Variants in CERT1 observed in about 807,000 individuals in gnomAD.
The protein encoded by CERT1 is ceramide transporter 1.
In CERT1, 31 loss-of-function variants were observed where a neutral mutation model predicts 87.9. The observed-to-expected ratio is 0.35, with a 90% confidence interval of 0.27 to 0.48. CERT1 has a LOEUF of 0.48. Ranked by LOEUF, CERT1 falls within the 20% of genes least tolerant of loss-of-function variation. The pLI is 0.99. For missense variants in CERT1, 487 were observed against 758.0 expected (o/e 0.64, Z 4.20); for synonymous variants, 289 against 250.9 (o/e 1.15, Z -1.44).
intron 2 of CERT1, among the ~76,000 whole-genome samples, chr5:75,461,333 C>G (rs1403048545): frequency 6.6e-6 from 1 of 152,136 alleles, no homozygotes; most frequent in African/African-American, 2.4e-5. Context: ...CTAGGTTGTT[C>G]GCTCCTTATG....
Position 75,511,099 on chromosome 5 carries a change from AG to A in CERT1, c.96+12del. 1 of 1,539,142 alleles carries A rather than the reference AG, an allele frequency of 6.5e-7. No homozygotes were observed. Among genetic ancestry groups the A allele is most frequent in the African/African-American group, 1.4e-5 (1 of 72,578 alleles). On this transcript the variant is annotated intron_variant, in intron 1 of 16. Coordinates refer to ENST00000643780, the MANE Select transcript of CERT1 (RefSeq NM_001379029.1). ...GTCTGGCCAGGGGTCCCTTGGCACC[AG>A]GGGTTGCTCACCTTACTGAGGACCC...
intron 5 of CERT1, 191 bp downstream of exon 5, chr5:75,425,170 T>C: frequency 1.9e-6 from 1 of 531,568 alleles, no homozygotes; most frequent in Non-Finnish European, 3.3e-6. Flanking sequence ...CTGGTATGGA[T>C]GATCAAAATG....
chr5:75,511,927 C>G, upstream of CERT1: 1 of 1,119,378 alleles, frequency 8.9e-7, no homozygotes, highest in Non-Finnish European at 1.3e-6. Context: ...GAGTATCCCG[C>G]GCGGGGATCG....
At chr5:75,436,042 A>AT (rs59987233) in intron 3 of CERT1, among the ~76,000 whole-genome samples, 2 of 151,762 alleles carry the variant, frequency 1.3e-5, no homozygotes, top group Non-Finnish European at 2.9e-5. Context: ...AAATTATTTT[A>AT]TTTTTTTTGA....
intron 3 of CERT1, among the ~76,000 whole-genome samples, chr5:75,432,986 T>G: frequency 6.6e-6 from 1 of 152,182 alleles, no homozygotes; most frequent in Non-Finnish European, 1.5e-5. Flanking sequence ...TTTGTCAACT[T>G]TTTCGAAGAA....
At chr5:75,370,459 G>A (rs958080394) in intron 17 of CERT1, 2 of 152,152 alleles carry the variant, frequency 1.3e-5, no homozygotes, top group African/African-American at 4.8e-5. Flanking sequence ...CACCAGCACT[G>A]TGCTTCCATT....
At chr5:75,392,707 C>T (rs555603469) in intron 11 of CERT1, among the ~76,000 whole-genome samples, 7 of 152,046 alleles carry the variant, frequency 4.6e-5, no homozygotes, top group Admixed American at 3.3e-4. Flanking sequence ...CGGTGGCTCA[C>T]GCCTGTAATC....
chr5:75,390,161 T>A (rs1315454416), intron 11 of CERT1, among the ~76,000 whole-genome samples: 1 of 152,206 alleles, frequency 6.6e-6, no homozygotes, highest in Non-Finnish European at 1.5e-5. Context: ...TCTTTGCCTA[T>A]ATCTTTGCTC....
intron 11 of CERT1, among the ~76,000 whole-genome samples, chr5:75,393,662 T>C (rs1271554568): frequency 2.8e-5 from 4 of 141,568 alleles, no homozygotes; most frequent in South Asian, 4.6e-4. Context: ...CAGATCTCTT[T>C]TATGCATGTA....
At chr5:75,460,862 G>C (rs1462154225) in intron 2 of CERT1, among the ~76,000 whole-genome samples, 1 of 152,154 alleles carries the variant, frequency 6.6e-6, no homozygotes, top group African/African-American at 2.4e-5. Context: ...CTGATTAAAG[G>C]ATTCAAGTTA....
rs779711190 is a variant in CERT1 at position 75,419,324 on chromosome 5, A to T, written c.679+17T>A. The T allele has an allele frequency of 6.5e-7, 1 of 1,529,702 alleles. No individual in the cohort carries two copies. 94.8% of individuals were successfully genotyped at this position (1,529,702 alleles called of 1,614,324 possible). A position where few individuals can be genotyped will look rare whatever the true frequency, so the allele number is the denominator to read the frequency against. On this transcript the variant is annotated intron_variant, in intron 6 of 16. Coordinates refer to ENST00000643780, the MANE Select transcript of CERT1 (RefSeq NM_001379029.1). ...AAGTATATTTTATCCAGCTGAGGGGAAAAATGTATTACTTACACTTTTCTT... is the reference window on the plus strand; with the variant it reads ...AAGTATATTTTATCCAGCTGAGGGGTAAAATGTATTACTTACACTTTTCTT...
intron 2 of CERT1, among the ~76,000 whole-genome samples, chr5:75,490,834 A>G (rs117515197): frequency 1.3e-5 from 2 of 151,958 alleles, no homozygotes; most frequent in African/African-American, 4.8e-5. Flanking sequence ...GTATCTGGTA[A>G]CTTTTTTTCT....
chr5:75,396,352 T>A (rs12055331), intron 11 of CERT1, among the ~76,000 whole-genome samples: 11,917 of 152,290 alleles, frequency 0.078, 559 homozygotes, highest in South Asian at 0.17. Context: ...TTTTAATTAA[T>A]TATGAAGATA....
At chr5:75,478,347 GA>G (rs1259832879) in intron 2 of CERT1, among the ~76,000 whole-genome samples, 1 of 151,418 alleles carries the variant, frequency 6.6e-6, no homozygotes, top group Non-Finnish European at 1.5e-5. Context: ...AAGAAAAGAG[GA>G]AAAAACACAA....
chr5:75,458,563 T>G (rs1765096653), intron 3 of CERT1, among the ~76,000 whole-genome samples: 1 of 152,176 alleles, frequency 6.6e-6, no homozygotes, highest in South Asian at 2.1e-4. Flanking sequence ...TTATCTTTTT[T>G]TTTTTTGAGA....
rs1224142380 is a variant in CERT1 at position 75,511,316 on chromosome 5, C to T, written c.-109G>A. 70 of 1,549,894 alleles carry T rather than the reference C, an allele frequency of 4.5e-5. No homozygotes were observed. Among genetic ancestry groups the T allele is most frequent in the Non-Finnish European group, 6.0e-5 (69 of 1,147,216 alleles). ...CGGGGGATGGCGAAGCGAAGAGTGC[C>T]CGCTCCGGTGTGGGGGGGAGCAGGA... On this transcript the variant is annotated 5_prime_UTR_variant, in exon 1 of 17. Transcript: ENST00000643780.
At position 75,392,774 on chromosome 5, in the gene CERT1, C is replaced by T. The variant is rs180978629; in HGVS notation, c.1189-3087G>A. Among the ~76,000 whole-genome samples the T allele has an allele frequency of 3.4e-3, 514 of 151,782 alleles. 3 individuals carry two copies. The highest frequency in any genetic ancestry group is 0.01 in the Middle Eastern group (3 of 292). On this transcript the variant is annotated intron_variant, in intron 11 of 16. Coordinates refer to ENST00000643780, the MANE Select transcript of CERT1 (RefSeq NM_001379029.1). ...CACAAGGTCAGGAGTTCGAGACCAT[C>T]CTGCCTAACATGGTAAAACCCCGTC...
intron 11 of CERT1, among the ~76,000 whole-genome samples, chr5:75,393,726 G>A (rs956983366): frequency 7.9e-5 from 12 of 151,680 alleles, no homozygotes; most frequent in Non-Finnish European, 1.5e-4. Flanking sequence ...AGCATTTTGG[G>A]AGGCTGAGGC....
chr5:75,444,184 T>G (rs1764441032), intron 3 of CERT1, among the ~76,000 whole-genome samples: 1 of 151,958 alleles, frequency 6.6e-6, no homozygotes, highest in Non-Finnish European at 1.5e-5. Context: ...GCCTCCCGAG[T>G]AGCTGGGATT....
Sources: allele counts gnomAD v4.1 joint callset (sites outside exome capture counted in the v4.1 genomes callset), GRCh38; gene constraint gnomAD v4.1.1; transcripts MANE v1.5; gene names NCBI Gene and HGNC (gene_info 2026-07-23, HGNC 2026-07-21).